The following DOP1B variants were observed in gnomAD, a reference collection of about 807,000 sequenced individuals.
DOP1B encodes the protein protein DOP1B.
A neutral mutation model predicts 233.5 loss-of-function variants in DOP1B; 174 were observed. The ratio of observed to expected loss-of-function variants is 0.75; its 90% CI spans 0.66 to 0.85. The LOEUF (loss-of-function observed/expected upper bound fraction) is 0.85. Ranked by LOEUF, DOP1B falls within the 40% of genes least tolerant of loss-of-function variation. The pLI, the probability that DOP1B is intolerant of heterozygous loss-of-function variation, is 0.00. For missense variants in DOP1B, 2,652 were observed against 2,846.6 expected (o/e 0.93, Z 1.56); for synonymous variants, 1,190 against 1,185.6 (o/e 1.00, Z -0.08).
chr21:36,206,529 C>CA (rs71232580), intron 4 of DOP1B, among the ~76,000 whole-genome samples: 37,101 of 126,984 alleles, frequency 0.29, 4,603 homozygotes, highest in Middle Eastern at 0.34. Context: ...CACCCTGCCT[C>CA]AAAAAAAAAA....
chr21:36,264,485 AG>A (rs1332586900), intron 26 of DOP1B, among the ~76,000 whole-genome samples: 3 of 148,404 alleles, frequency 2.0e-5, no homozygotes, highest in Admixed American at 6.8e-5. Context: ...TTTTTGGGCC[AG>A]GGGGTTGGAC....
chr21:36,270,552 CAA>C (rs398040600), intron 27 of DOP1B, among the ~76,000 whole-genome samples: 847 of 36,664 alleles, frequency 0.023, 5 homozygotes, highest in African/African-American at 0.027. Flanking sequence ...GACTCCGTCT[CAA>C]AAAAAAAAAA....
At chr21:36,244,887 T>C (rs981431066) in intron 18 of DOP1B, among the ~76,000 whole-genome samples, 161 bp from the exon 19 acceptor site, 5 of 152,244 alleles carry the variant, frequency 3.3e-5, no homozygotes, top group African/African-American at 1.2e-4. Context: ...CTTTGTCTAC[T>C]TTTGTCTGTA....
At chr21:36,176,510 TA>T (rs1290288254) in intron 2 of DOP1B, among the ~76,000 whole-genome samples, 1 of 152,194 alleles carries the variant, frequency 6.6e-6, no homozygotes, top group East Asian at 1.9e-4. Flanking sequence ...GCTATGATTT[TA>T]GCCATTTTCT....
chr21:36,164,604 G>A lies in DOP1B; in HGVS notation c.-26-104G>A, dbSNP rs1434566075. ...GAACAGGATTGCCCAGTGAGTTTGTGCACAGTTGTGTTTGTGGACACGTGT... is the reference window on the plus strand; with the variant it reads ...GAACAGGATTGCCCAGTGAGTTTGTACACAGTTGTGTTTGTGGACACGTGT... On this transcript the variant is annotated intron_variant, in intron 1 of 36. Transcript: ENST00000691173. 4.6e-6 allele frequency: 4 copies of A among 861,342 alleles called. No individual in the cohort carries two copies. In the South Asian group the frequency reaches 8.6e-5, roughly 18 times the overall value. The allele number at this position is 861,342 out of a possible 1,614,324, so 53.4% of individuals were successfully genotyped here. A position where few individuals can be genotyped will look rare whatever the true frequency, so the allele number is the denominator to read the frequency against.
intron 2 of DOP1B, among the ~76,000 whole-genome samples, chr21:36,166,004 A>G (rs1402423063): frequency 5.4e-5 from 8 of 148,408 alleles, no homozygotes; most frequent in Non-Finnish European, 1.0e-4. Flanking sequence ...GGCGTGAGCC[A>G]CCACACCTGG....
rs981687172 is a variant in DOP1B at position 36,213,392 on chromosome 21, G to T, written c.905-689G>T. 3.3e-5 allele frequency among the ~76,000 whole-genome samples: 5 copies of T among 152,018 alleles called. No individual in the cohort carries two copies. In the East Asian group the frequency reaches 7.8e-4, roughly 24 times the overall value. On this transcript the variant is annotated intron_variant, in intron 7 of 36. Transcript: ENST00000691173. ...CCATACCATGAGGATGCACTTTCTT[G>T]CCCTGAGAACCTTGCAGACTTATCC...
chr21:36,231,575 G>T (rs2066764988), intron 14 of DOP1B, among the ~76,000 whole-genome samples: 1 of 152,048 alleles, frequency 6.6e-6, no homozygotes, highest in African/African-American at 2.4e-5. Context: ...TGGGTGTCCA[G>T]CACAGCCCAT....
At position 36,248,510 on chromosome 21, in the gene DOP1B, C is replaced by T. The variant is rs1569050031; in HGVS notation, c.4940C>T (p.Pro1647Leu). Residue 1647 changes from proline to leucine, a missense_variant, in exon 21 of 37, where the codon CCT (proline) becomes CTT (leucine). Transcript: ENST00000691173. Reference sequence around the variant, plus strand: ...AGAAAGGAGGAGACTCAAAAGAGACCTGTCGATCTCCTAGGGGCCACGAAG... The same window carrying T: ...AGAAAGGAGGAGACTCAAAAGAGACTTGTCGATCTCCTAGGGGCCACGAAG... ...VLRKEETQKR[P>L]VDLLGATKGS... 2 of 1,614,150 alleles carry T rather than the reference C, an allele frequency of 1.2e-6. No individual in the cohort carries two copies. Among genetic ancestry groups the T allele is most frequent in the South Asian group, 1.1e-5 (1 of 91,080 alleles).
Position 36,260,744 on chromosome 21 carries a change from C to A in DOP1B, c.5315+12C>A. 1 of 1,613,538 alleles carries A rather than the reference C, an allele frequency of 6.2e-7. No individual in the cohort carries two copies. Among genetic ancestry groups the A allele is most frequent in the Non-Finnish European group, 8.5e-7 (1 of 1,179,862 alleles). ...GCTTTTCTCCAAAGGTAATACAGTC[C>A]CCCGTCCTCCAAAAACTTCCTTAAA... is the stretch of plus-strand genomic sequence containing the variant. On this transcript the variant is annotated intron_variant, in intron 24 of 36. Transcript: ENST00000691173.
intron 17 of DOP1B, among the ~76,000 whole-genome samples, chr21:36,239,471 CG>C (rs1403204671): frequency 6.6e-6 from 1 of 152,194 alleles, no homozygotes; most frequent in Non-Finnish European, 1.5e-5. Context: ...GCCAGGCACT[CG>C]GCCTTAGAGA....
intron 2 of DOP1B, among the ~76,000 whole-genome samples, chr21:36,176,528 C>G (rs2066033675): frequency 6.6e-6 from 1 of 152,108 alleles, no homozygotes. Flanking sequence ...TTCTAGCAAC[C>G]TTTGTTCTGA....
At chr21:36,179,344 T>C (rs1269200909) in intron 2 of DOP1B, among the ~76,000 whole-genome samples, 1 of 152,206 alleles carries the variant, frequency 6.6e-6, no homozygotes, top group Non-Finnish European at 1.5e-5. Flanking sequence ...TTCTCCCCCA[T>C]CCTCTTCAAC....
At chr21:36,275,944 A>G (rs1171237235) in intron 27 of DOP1B, among the ~76,000 whole-genome samples, 1 of 152,072 alleles carries the variant, frequency 6.6e-6, no homozygotes, top group Non-Finnish European at 1.5e-5. Context: ...GGACTCAGGG[A>G]CTGGAAAGCT....
intron 32 of DOP1B, 25 bp from the exon 33 acceptor site, chr21:36,287,989 C>T: frequency 6.2e-7 from 1 of 1,606,520 alleles, no homozygotes; most frequent in Non-Finnish European, 8.5e-7. Flanking sequence ...ATTTGTGTAA[C>T]ATCTTTACAA....
intron 9 of DOP1B, 23 bp from the exon 10 acceptor site, chr21:36,219,349 G>T: frequency 6.2e-7 from 1 of 1,613,984 alleles, no homozygotes; most frequent in South Asian, 1.1e-5. Flanking sequence ...ATCTGTCTCT[G>T]ACCATCTTCC....
chr21:36,180,372 C>G (rs1029973301), intron 2 of DOP1B, among the ~76,000 whole-genome samples: 1 of 151,972 alleles, frequency 6.6e-6, no homozygotes, highest in African/African-American at 2.4e-5. Flanking sequence ...AGTTCAAGAC[C>G]AGCCTGGCCA....
In DOP1B at chr21:36,179,180, A is replaced by G. The variant is rs78516822; in HGVS notation, c.138+14309A>G. Among the ~76,000 whole-genome samples the G allele has an allele frequency of 7.5e-3, 1,136 of 152,342 alleles. 12 individuals are homozygous for G. Among genetic ancestry groups the G allele is most frequent in the African/African-American group, 0.026 (1,093 of 41,564 alleles). On this transcript the variant is annotated intron_variant, in intron 2 of 36. Transcript: ENST00000691173. ...CTTTTTTACTGCTGAGTAAGAGTCC[A>G]TGGATATATACAATTTCTTTATCCA...
intron 26 of DOP1B, among the ~76,000 whole-genome samples, chr21:36,267,566 C>G (rs2067243309): frequency 6.7e-6 from 1 of 150,160 alleles, no homozygotes; most frequent in African/African-American, 2.5e-5. Context: ...CACCTGTAGT[C>G]CCAGCTACCT....
Sources: gnomAD v4.1 joint callset for allele counts (sites outside exome capture counted in the v4.1 genomes callset) on GRCh38, gnomAD v4.1.1 for gene constraint, MANE v1.5 for transcripts, NCBI Gene and HGNC (gene_info 2026-07-23, HGNC 2026-07-21) for gene names.